CIT: variants seen among roughly 807,000 people sequenced by gnomAD.
CIT encodes the protein citron rho-interacting serine/threonine kinase.
CIT carries 79 observed loss-of-function variants against 272.7 expected under a neutral mutation model. The observed-to-expected ratio is 0.29, with a 90% CI of 0.24 to 0.35. The LOEUF (loss-of-function observed/expected upper bound fraction) is 0.35, where lower values mean the gene tolerates loss of function less well. Among genes scored for constraint, CIT ranks in the 10% least tolerant of loss-of-function variants. CIT has a pLI of 1.00. For missense variants in CIT, 1,909 were observed against 2,618.3 expected (o/e 0.73, Z 5.91); for synonymous variants, 948 against 995.6 (o/e 0.95, Z 0.90).
chr12:119,806,443 AAAG>A (rs1214634144), intron 9 of CIT, among the ~76,000 whole-genome samples: 1 of 152,174 alleles, frequency 6.6e-6, no homozygotes, highest in African/African-American at 2.4e-5. Flanking sequence ...AAGCAGATAG[AAAG>A]AAGCAGTAAC....
chr12:119,772,369 T>C (rs567790865), intron 17 of CIT, among the ~76,000 whole-genome samples: 134 of 152,306 alleles, frequency 8.8e-4, no homozygotes, highest in Non-Finnish European at 1.6e-3. Flanking sequence ...TGAGAGTCAT[T>C]GACGCGCAGG....
chr12:119,794,564 T>C (rs189634359), intron 10 of CIT, among the ~76,000 whole-genome samples: 42 of 152,314 alleles, frequency 2.8e-4, no homozygotes, highest in Admixed American at 2.2e-3. Context: ...ACATGCACAC[T>C]TCCCACTGGC....
intron 47 of CIT, among the ~76,000 whole-genome samples, chr12:119,689,004 TA>T (rs1249048892): frequency 2.5e-5 from 2 of 81,186 alleles, no homozygotes; most frequent in Admixed American, 3.6e-4. Flanking sequence ...CTAAAAAAAA[TA>T]AAAAGGGCCG....
Position 119,720,444 on chromosome 12 carries a change from T to C in CIT, c.3840+34A>G, listed in dbSNP as rs1341928680. 9 of 1,474,060 alleles carry C rather than the reference T, an allele frequency of 6.1e-6. No homozygotes were observed. The African/African-American group carries it at 8.4e-5, about 14-fold the overall frequency. 91.3% of individuals were successfully genotyped at this position (1,474,060 alleles called of 1,614,324 possible). A position where few individuals can be genotyped will look rare whatever the true frequency, so the allele number is the denominator to read the frequency against. On this transcript the variant is annotated intron_variant, in intron 30 of 47. Transcript: ENST00000392521. The stretch of plus-strand genomic sequence containing the variant: ...CTGAGCCATGAATGATGAGTGAAAC[T>C]GACAATTCCCACTTTTCAAACACTT...
intron 10 of CIT, among the ~76,000 whole-genome samples, chr12:119,802,832 T>C (rs1566066132): frequency 1.3e-5 from 2 of 152,116 alleles, no homozygotes; most frequent in East Asian, 3.8e-4. Flanking sequence ...GACAGATACA[T>C]AGATGGTTAG....
At chr12:119,761,670 G>T (rs1260711061) in intron 19 of CIT, among the ~76,000 whole-genome samples, 1 of 151,522 alleles carries the variant, frequency 6.6e-6, no homozygotes, top group African/African-American at 2.4e-5. Flanking sequence ...ATAAAAGAAA[G>T]AAAAAAATGC....
At chr12:119,766,665 G>C (rs957998608) in intron 19 of CIT, among the ~76,000 whole-genome samples, 4 of 152,092 alleles carry the variant, frequency 2.6e-5, no homozygotes, top group African/African-American at 9.7e-5. Flanking sequence ...ATAAATGTTT[G>C]AGGGGATGGA....
In CIT at chr12:119,718,885, T is replaced by C; in HGVS notation, c.3841-24A>G. On this transcript the variant is annotated intron_variant, in intron 30 of 47. Coordinates refer to ENST00000392521, the MANE Select transcript of CIT (RefSeq NM_001206999.2). The surrounding 1 kb of genome is among the most constrained non-coding windows in gnomAD (Gnocchi z 4.8). ...CCCTAGCAATGGAAACAGAGATATC[T>C]CCTAACTCCTGGAAACTGGCACTTG... 6.2e-7 allele frequency: 1 copy of C among 1,611,138 alleles called. No homozygotes were observed. Among genetic ancestry groups the C allele is most frequent in the South Asian group, 1.1e-5 (1 of 90,998 alleles).
At chr12:119,739,615 C>A (rs1433223333) in intron 24 of CIT, among the ~76,000 whole-genome samples, 3 of 152,266 alleles carry the variant, frequency 2.0e-5, no homozygotes, top group Admixed American at 2.0e-4. Context: ...TTTAAAGTAG[C>A]AGCAGAGCCA....
rs60480648 is a variant in CIT at position 119,794,270 on chromosome 12, G to GTGAATGAA, written c.1295+8928_1295+8935dup. Reference sequence around the variant, plus strand: ...AGGACTAGAACAATATATTTGTTGAGTGAATGAATGAATGAATGAATGAAT... The same window carrying GTGAATGAA: ...AGGACTAGAACAATATATTTGTTGAGTGAATGAATGAATGAATGAATGAATGAATGAAT... On this transcript the variant is annotated intron_variant, in intron 10 of 47. Coordinates refer to ENST00000392521, the MANE Select transcript of CIT (RefSeq NM_001206999.2). Among the ~76,000 whole-genome samples the GTGAATGAA allele has an allele frequency of 6.6e-3, 1,006 of 151,802 alleles. 11 individuals carry two copies. Among genetic ancestry groups the GTGAATGAA allele is most frequent in the African/African-American group, 0.021 (857 of 41,172 alleles).
Position 119,736,246 on chromosome 12 carries a change from G to A in CIT, c.2959-889C>T, listed in dbSNP as rs78023385. Reference sequence around the variant, plus strand: ...TAAATTAAATTTTACGTAACAAAAAGAAGGAAATTAAAAGGAAATGCCGTT... The same window carrying A: ...TAAATTAAATTTTACGTAACAAAAAAAAGGAAATTAAAAGGAAATGCCGTT... On this transcript the variant is annotated intron_variant, in intron 24 of 47. Coordinates refer to ENST00000392521, the MANE Select transcript of CIT (RefSeq NM_001206999.2). Among the ~76,000 whole-genome samples the A allele has an allele frequency of 8.1e-3, 1,195 of 147,828 alleles. 19 individuals are homozygous for A. Among genetic ancestry groups the A allele is most frequent in the African/African-American group, 0.03 (1,134 of 37,268 alleles).
At position 119,718,638 on chromosome 12, in the gene CIT, CT is replaced by C; in HGVS notation, c.4003+60del. ...AGCTAGTTAGTCTTGGCTGATCTCA[CT>C]GAGATCAATCCTCTGCCTTTTCCAC... On this transcript the variant is annotated intron_variant, in intron 31 of 47. Coordinates refer to ENST00000392521, the MANE Select transcript of CIT (RefSeq NM_001206999.2). This position sits in a 1 kb window ranked among gnomAD's most constrained non-coding sequence, Gnocchi z 4.8. The C allele has an allele frequency of 6.3e-7, 1 of 1,589,668 alleles. No individual in the cohort carries two copies. Among genetic ancestry groups the C allele is most frequent in the South Asian group, 1.1e-5 (1 of 90,176 alleles).
chr12:119,832,678 T>C, intron 7 of CIT, 93 bp downstream of exon 7: 5 of 1,038,214 alleles, frequency 4.8e-6, no homozygotes, highest in South Asian at 2.8e-5. Flanking sequence ...CAAAACATTG[T>C]TCACCATTTT....
At chr12:119,719,868 AC>A (rs1289724515) in intron 30 of CIT, among the ~76,000 whole-genome samples, 2 of 152,184 alleles carry the variant, frequency 1.3e-5, no homozygotes, top group African/African-American at 2.4e-5. Flanking sequence ...CTTATGAAAA[AC>A]AATCTTCTCA....
chr12:119,741,542 T>G (rs1404435387), intron 24 of CIT, among the ~76,000 whole-genome samples: 1 of 152,246 alleles, frequency 6.6e-6, no homozygotes. Flanking sequence ...TAGGACTTAA[T>G]ATTTCATTTA....
At chr12:119,711,947 G>A (rs1957181467) in intron 37 of CIT, among the ~76,000 whole-genome samples, 2 of 152,044 alleles carry the variant, frequency 1.3e-5, no homozygotes, top group African/African-American at 2.4e-5. Flanking sequence ...ATGAGCCACC[G>A]CATCCCTGAT....
chr12:119,776,449 A>G (rs774157662), intron 14 of CIT, 41 bp from the exon 15 acceptor site: 1 of 1,577,822 alleles, frequency 6.3e-7, no homozygotes, highest in Non-Finnish European at 8.7e-7. Context: ...AATCTCAACA[A>G]CCTAAAAAAG....
At chr12:119,696,463 C>T (rs1381424152) in intron 46 of CIT, among the ~76,000 whole-genome samples, 1 of 152,118 alleles carries the variant, frequency 6.6e-6, no homozygotes, top group Non-Finnish European at 1.5e-5. Context: ...CCAGTGGTCC[C>T]GTTGCCTTTA....
chr12:119,829,339 AAGAAAAGAAGAGAAGAGAAG>A (rs1293574152), intron 7 of CIT, among the ~76,000 whole-genome samples: 1 of 91,042 alleles, frequency 1.1e-5, no homozygotes, highest in Non-Finnish European at 2.2e-5. Flanking sequence ...TCTGTCTTGA[AAGAAAAGAAGAGAAGAGAAG>A]AGAAGAGAAG....
Sources: gnomAD v4.1 joint callset for allele counts (sites outside exome capture counted in the v4.1 genomes callset) on GRCh38, gnomAD v4.1.1 for gene constraint, Gnocchi (gnomAD v3.1) non-coding constraint, MANE v1.5 for transcripts, NCBI Gene and HGNC (gene_info 2026-07-23, HGNC 2026-07-21) for gene names.